The following TTC39C variants were observed in gnomAD, a reference collection of about 807,000 sequenced individuals.
TTC39C encodes tetratricopeptide repeat domain 39C.
Under a neutral mutation model 76.3 loss-of-function variants are expected in TTC39C, and 33 were observed. The ratio of observed to expected loss-of-function variants is 0.43; its 90% CI spans 0.33 to 0.58. The LOEUF is 0.58. Among genes scored for constraint, TTC39C ranks in the 20% least tolerant of loss-of-function variants. TTC39C has a pLI of 0.04. For synonymous variants in TTC39C, 254 were observed against 260.6 expected (o/e 0.97, Z 0.24); for missense variants, 595 against 701.4 (o/e 0.85, Z 1.71).
intron 1 of TTC39C, among the ~76,000 whole-genome samples, chr18:23,999,308 A>T (rs192976867): frequency 6.6e-6 from 1 of 152,128 alleles, no homozygotes; most frequent in Non-Finnish European, 1.5e-5. Context: ...AAGGGAGTCA[A>T]TGTGGGGTGA....
chr18:24,082,583 T>C (rs1213259757), intron 5 of TTC39C, among the ~76,000 whole-genome samples: 1 of 152,184 alleles, frequency 6.6e-6, no homozygotes, highest in East Asian at 1.9e-4. Flanking sequence ...AATTGGTGCA[T>C]TAATGAGTAA....
intron 1 of TTC39C, among the ~76,000 whole-genome samples, chr18:24,020,664 A>G (rs115261999): frequency 0.028 from 4,245 of 152,264 alleles, 175 homozygotes; most frequent in African/African-American, 0.096. Context: ...TGTAAGTGCT[A>G]TGTAGATAGT....
rs765361827 is a variant in TTC39C at position 24,018,805 on chromosome 18, A to G, written c.167+3767A>G. Among the ~76,000 whole-genome samples the G allele has an allele frequency of 5.5e-4, 84 of 152,296 alleles. 1 individual carries two copies. The highest frequency in any genetic ancestry group is 4.7e-4 in the Non-Finnish European group (32 of 68,016). On this transcript the variant is annotated intron_variant, in intron 1 of 13. Coordinates refer to ENST00000317571, the MANE Select transcript of TTC39C (RefSeq NM_001135993.2). ...AACCCACGTGGAGACATGAAATGAC[A>G]TTGGGAAAAGAGTGGTCAGAACTGC...
At chr18:24,038,471 C>T (rs554872496) in intron 1 of TTC39C, among the ~76,000 whole-genome samples, 19 of 151,976 alleles carry the variant, frequency 1.3e-4, no homozygotes, top group South Asian at 1.0e-3. Context: ...TTTGTAGAGA[C>T]GGGGACTCAC....
At chr18:24,073,905 C>T (rs2084271934) in intron 4 of TTC39C, among the ~76,000 whole-genome samples, 1 of 152,232 alleles carries the variant, frequency 6.6e-6, no homozygotes, top group African/African-American at 2.4e-5. Flanking sequence ...TATTTATTTA[C>T]ATGTCTGCCT....
At chr18:24,024,276 G>T (rs2145662832) in intron 1 of TTC39C, among the ~76,000 whole-genome samples, 1 of 151,416 alleles carries the variant, frequency 6.6e-6, no homozygotes, top group Non-Finnish European at 1.5e-5. Flanking sequence ...CTCCCAAAGT[G>T]CTGGGATTAC....
At chr18:24,102,889 T>C (rs2084696572) in intron 6 of TTC39C, among the ~76,000 whole-genome samples, 1 of 152,200 alleles carries the variant, frequency 6.6e-6, no homozygotes, top group Non-Finnish European at 1.5e-5. Context: ...GGAGGACTGC[T>C]TGAACCCAGG....
At chr18:24,052,508 A>G (rs1464615855) in intron 1 of TTC39C, among the ~76,000 whole-genome samples, 3 of 151,782 alleles carry the variant, frequency 2.0e-5, no homozygotes, top group Admixed American at 6.6e-5. Context: ...GTCATGACTT[A>G]GATGGGTGAT....
intron 1 of TTC39C, among the ~76,000 whole-genome samples, chr18:24,008,415 C>G (rs913216934): frequency 4.6e-5 from 7 of 152,192 alleles, no homozygotes; most frequent in African/African-American, 9.7e-5. Context: ...CTCGGACATG[C>G]CATTTGCCTT....
chr18:23,996,404 A>C (rs981671938), intron 1 of TTC39C, among the ~76,000 whole-genome samples: 2 of 152,214 alleles, frequency 1.3e-5, no homozygotes, highest in African/African-American at 4.8e-5. Context: ...CACTTGTGCT[A>C]ATATTAAAAT....
chr18:24,096,358 TTCTG>T (rs1396794475), intron 6 of TTC39C, among the ~76,000 whole-genome samples: 8 of 152,236 alleles, frequency 5.3e-5, no homozygotes, highest in South Asian at 2.1e-4. Context: ...TAATTATATT[TTCTG>T]TCTATTACTT....
chr18:24,091,496 A>G (rs781380296), intron 6 of TTC39C, among the ~76,000 whole-genome samples: 5 of 152,216 alleles, frequency 3.3e-5, no homozygotes, highest in Non-Finnish European at 5.9e-5. Flanking sequence ...CTTATACTAT[A>G]CAAGAAAATT....
At chr18:24,099,415 C>A (rs1033532200) in intron 6 of TTC39C, 7 of 151,802 alleles carry the variant, frequency 4.6e-5, no homozygotes, top group Non-Finnish European at 8.8e-5. Flanking sequence ...GATTACCTCA[C>A]AAAACTCCCA....
chr18:24,009,114 C>A (rs1391620191), intron 1 of TTC39C, among the ~76,000 whole-genome samples: 4 of 152,286 alleles, frequency 2.6e-5, no homozygotes, highest in South Asian at 2.1e-4. Flanking sequence ...GGCTTAGAAC[C>A]TGGGTGATGA....
At chr18:24,125,578 G>T in intron 10 of TTC39C, 28 bp downstream of exon 10, 1 of 1,613,658 alleles carries the variant, frequency 6.2e-7, no homozygotes. Flanking sequence ...ACCCAAAACT[G>T]TCTACTGGAC....
At chr18:24,092,612 G>A (rs2084538007) in intron 6 of TTC39C, among the ~76,000 whole-genome samples, 1 of 152,210 alleles carries the variant, frequency 6.6e-6, no homozygotes, top group Non-Finnish European at 1.5e-5. Context: ...CATGTTATGT[G>A]TAAAAAGTCA....
chr18:23,997,250 C>T (rs1186928211), intron 1 of TTC39C, among the ~76,000 whole-genome samples: 1 of 151,668 alleles, frequency 6.6e-6, no homozygotes, highest in Non-Finnish European at 1.5e-5. Context: ...GACCCTGTCT[C>T]TAAAAAGAAA....
At chr18:24,024,219 G>A (rs544696459) in intron 1 of TTC39C, among the ~76,000 whole-genome samples, 1 of 149,910 alleles carries the variant, frequency 6.7e-6, no homozygotes, top group Non-Finnish European at 1.5e-5. Context: ...CGCTATATTG[G>A]TCAGGCTGGT....
chr18:24,104,089 G>A (rs1254545892), intron 6 of TTC39C, among the ~76,000 whole-genome samples: 3 of 151,934 alleles, frequency 2.0e-5, no homozygotes, highest in Non-Finnish European at 2.9e-5. Context: ...TTGCCACCAC[G>A]CCCGGCTAAT....
Sources: gnomAD v4.1 joint callset for allele counts (sites outside exome capture counted in the v4.1 genomes callset) on GRCh38, gnomAD v4.1.1 for gene constraint, MANE v1.5 for transcripts, NCBI Gene and HGNC (gene_info 2026-07-23, HGNC 2026-07-21) for gene names.